The following DOCK9 variants were observed in gnomAD, a reference collection of about 807,000 sequenced individuals.
DOCK9 encodes the protein dedicator of cytokinesis 9.
Under a neutral mutation model 263.3 loss-of-function variants are expected in DOCK9, and 89 were observed. That is an observed-to-expected ratio of 0.34 (90% CI 0.28 to 0.40). The LOEUF (loss-of-function observed/expected upper bound fraction) is 0.40. Among genes scored for constraint, DOCK9 ranks in the 10% least tolerant of loss-of-function variants. The probability of loss-of-function intolerance (pLI) is 1.00; values close to 1 mark genes in which losing one functional copy is unlikely to be tolerated. For synonymous variants in DOCK9, 976 were observed against 973.1 expected, an observed-to-expected ratio of 1.00 and a Z score of -0.06; for missense variants, 2,140 against 2,603.4, an observed-to-expected ratio of 0.82 and a Z score of 3.87.
chr13:98,888,364 G>A lies in DOCK9; in HGVS notation c.1973C>T (p.Ala658Val). The A allele has an allele frequency of 6.2e-7, 1 of 1,612,598 alleles. No individual in the cohort carries two copies. Among genetic ancestry groups the A allele is most frequent in the Non-Finnish European group, 8.5e-7 (1 of 1,178,978 alleles). The stretch of plus-strand genomic sequence containing the variant: ...AACCTCCATCTTCACACTCACCTTG[G>A]CAAAAGACTTCTGACTGTCGTATTT... The part of the protein sequence containing the change: ...YLKYDSQKSF[A>V]KARNIAICIE... The change falls in exon 17 of 53, where the codon GCC becomes GTC. Residue 658 changes from alanine (A) to valine (V), a missense_variant. Around this residue, in one of 2 missense-constraint regions of DOCK9, gnomAD observed 1,521 missense variants for 1,741.7 expected, o/e 0.87. Coordinates refer to ENST00000682017, the MANE Select transcript of DOCK9 (RefSeq NM_001366683.2).
chr13:98,955,072 T>C (rs1030883414), intron 2 of DOCK9, among the ~76,000 whole-genome samples: 5 of 152,184 alleles, frequency 3.3e-5, no homozygotes, highest in Non-Finnish European at 5.9e-5. Flanking sequence ...AATCCCAACA[T>C]TTTGAGAGGC....
At chr13:98,925,056 C>T (rs7334039) in intron 4 of DOCK9, among the ~76,000 whole-genome samples, 22,599 of 151,758 alleles carry the variant, frequency 0.15, 1,849 homozygotes, top group South Asian at 0.21. Flanking sequence ...CCCAGCAACT[C>T]GGGAGGCTGA....
chr13:98,906,156 T>C (rs1439780886), intron 9 of DOCK9, among the ~76,000 whole-genome samples: 3 of 152,126 alleles, frequency 2.0e-5, no homozygotes, highest in African/African-American at 4.8e-5. Flanking sequence ...AAACATCCAA[T>C]AGACAGCTAA....
At chr13:99,086,387 C>CCGCGG (rs1566412268) in exon 1 of DOCK9, 8 of 1,119,518 alleles carry the variant, frequency 7.1e-6, no homozygotes, top group African/African-American at 1.7e-5. Context: ...CCGCCTGCTC[C>CCGCGG]CGCGGCCCGG....
chr13:98,971,427 G>A (rs1360814457), intron 1 of DOCK9, among the ~76,000 whole-genome samples: 3 of 152,154 alleles, frequency 2.0e-5, no homozygotes, highest in Admixed American at 6.5e-5. Flanking sequence ...GAAAATAGGG[G>A]CCGGGCGCGG....
In DOCK9 at chr13:98,886,277, T is replaced by C. The variant is rs1245031318; in HGVS notation, c.2136+255A>G. 3.3e-5 allele frequency among the ~76,000 whole-genome samples: 5 copies of C among 152,344 alleles called. No homozygotes were observed. In the East Asian group the frequency reaches 7.7e-4, roughly 24 times the overall value. ...GATAGGAAATATACCAGAATATTAA[T>C]TGTGGTAGTGATAGTGGGATTATGA... is the stretch of plus-strand genomic sequence containing the variant. On this transcript the variant is annotated intron_variant, in intron 19 of 52. Coordinates refer to ENST00000682017, the MANE Select transcript of DOCK9 (RefSeq NM_001366683.2).
intron 35 of DOCK9, among the ~76,000 whole-genome samples, chr13:98,851,970 T>C (rs935476461): frequency 3.3e-5 from 5 of 152,216 alleles, no homozygotes; most frequent in African/African-American, 1.2e-4. Context: ...TAAAATTGTT[T>C]TGAAGAGGTG....
chr13:98,996,734 G>A (rs1257155790), intron 1 of DOCK9, among the ~76,000 whole-genome samples: 6 of 152,136 alleles, frequency 3.9e-5, no homozygotes, highest in African/African-American at 1.4e-4. Flanking sequence ...TTTATGTGTG[G>A]CCCAGGACAA....
At chr13:98,954,371 GA>G (rs376631629) in intron 2 of DOCK9, among the ~76,000 whole-genome samples, 169 of 152,186 alleles carry the variant, frequency 1.1e-3, no homozygotes, top group Non-Finnish European at 1.5e-3. Context: ...GGTCCCAGGA[GA>G]GCAAGGAAAG....
chr13:99,040,175 T>C (rs1888321677), intron 1 of DOCK9, among the ~76,000 whole-genome samples: 1 of 152,180 alleles, frequency 6.6e-6, no homozygotes, highest in Non-Finnish European at 1.5e-5. Context: ...ACCTCATGTA[T>C]GGATACAATG....
At chr13:99,019,964 T>C (rs933349537) in intron 1 of DOCK9, among the ~76,000 whole-genome samples, 2 of 152,146 alleles carry the variant, frequency 1.3e-5, no homozygotes, top group African/African-American at 4.8e-5. Flanking sequence ...TGGCCAGGCA[T>C]GGTGGTGTGC....
chr13:98,897,886 G>A (rs1467421973), intron 14 of DOCK9, among the ~76,000 whole-genome samples: 1 of 152,148 alleles, frequency 6.6e-6, no homozygotes, highest in African/African-American at 2.4e-5. Context: ...GATCACCCCA[G>A]GCCTCACTGG....
chr13:98,819,687 T>C (rs1216638003), intron 45 of DOCK9, among the ~76,000 whole-genome samples: 1 of 152,226 alleles, frequency 6.6e-6, no homozygotes, highest in African/African-American at 2.4e-5. Context: ...GGATGTGCCA[T>C]GTGACTTTCA....
intron 30 of DOCK9, chr13:98,867,221 A>G: frequency 1.8e-5 from 10 of 563,228 alleles, no homozygotes; most frequent in Non-Finnish European, 2.2e-5. Flanking sequence ...TACTGGCATG[A>G]TCTGTAGTCT....
chr13:98,848,433 C>A (rs189623212), intron 37 of DOCK9, among the ~76,000 whole-genome samples, 159 bp downstream of exon 37: 14 of 152,190 alleles, frequency 9.2e-5, no homozygotes, highest in African/African-American at 3.4e-4. Context: ...ACCAAAGACA[C>A]TGCCAGGCTC....
chr13:98,815,001 TA>T (rs980857055), intron 45 of DOCK9, among the ~76,000 whole-genome samples: 1 of 144,216 alleles, frequency 6.9e-6, no homozygotes, highest in African/African-American at 2.5e-5. Flanking sequence ...AAAATAACCT[TA>T]ATTTTTACTA....
At chr13:98,851,020 TTTCACTC>T (rs1379429935) in intron 35 of DOCK9, among the ~76,000 whole-genome samples, 2 of 152,280 alleles carry the variant, frequency 1.3e-5, no homozygotes, top group Admixed American at 1.3e-4. Flanking sequence ...GGCCACAGGC[TTTCACTC>T]TACACTTGCC....
chr13:98,946,149 C>G (rs2056673787), intron 2 of DOCK9, among the ~76,000 whole-genome samples: 1 of 152,100 alleles, frequency 6.6e-6, no homozygotes, highest in African/African-American at 2.4e-5. Flanking sequence ...TCACAGGGAC[C>G]CTTGGGCCAC....
intron 38 of DOCK9, among the ~76,000 whole-genome samples, chr13:98,844,001 A>T (rs2093309417): frequency 6.6e-6 from 1 of 152,222 alleles, no homozygotes; most frequent in African/African-American, 2.4e-5. Flanking sequence ...TTAAGCATTT[A>T]TTTCAACCAA....
Sources: allele counts gnomAD v4.1 joint callset (sites outside exome capture counted in the v4.1 genomes callset), GRCh38; gene constraint gnomAD v4.1.1; regional missense constraint gnomAD v4.1.1; transcripts MANE v1.5; gene names NCBI Gene and HGNC (gene_info 2026-07-23, HGNC 2026-07-21).